Variants in SLC17A7 observed in about 807,000 individuals in gnomAD.
The protein encoded by SLC17A7 is vesicular glutamate transporter 1.
In SLC17A7, 15 loss-of-function variants were observed where a neutral mutation model predicts 59.1. The observed-to-expected ratio is 0.25, with a 90% CI of 0.17 to 0.39. The LOEUF is 0.39. SLC17A7 is among the 10% of genes least tolerant of loss of function. The probability of loss-of-function intolerance (pLI) is 1.00; values close to 1 mark genes in which losing one functional copy is unlikely to be tolerated. For synonymous variants in SLC17A7, 353 were observed against 308.9 expected (o/e 1.14, Z -1.50); for missense variants, 499 against 765.1 (o/e 0.65, Z 4.10).
rs140318887 is a variant in SLC17A7 at position 49,430,653 on chromosome 19, C to A, written c.1549G>T (p.Ala517Ser). The A allele has an allele frequency of 7.4e-6, 12 of 1,614,022 alleles. No individual in the cohort carries two copies. The highest frequency in any genetic ancestry group is 1.0e-5 in the Non-Finnish European group (12 of 1,180,008). ...KCGFVGHDQL[A>S]GSDDSEMEDE... The stretch of plus-strand genomic sequence containing the variant: ...TCCATTTCGCTGTCGTCACTGCCAG[C>A]CAGCTGGTCATGGCCAACGAAGCCA... The change falls in exon 12 of 12, where the codon GCT becomes TCT. Residue 517 changes from alanine (A) to serine (S), a missense_variant. Ala to Ser is a moderately conservative substitution (Grantham distance 99, BLOSUM62 1). Coordinates refer to ENST00000221485, the MANE Select transcript of SLC17A7 (RefSeq NM_020309.4).
rs570786938 is a variant in SLC17A7 at position 49,441,298 on chromosome 19, G to T, written c.62+20C>A. 6.2e-7 allele frequency: 1 copy of T among 1,607,434 alleles called. No individual in the cohort carries two copies. Among genetic ancestry groups the T allele is most frequent in the East Asian group, 2.2e-5 (1 of 44,528 alleles). On this transcript the variant is annotated intron_variant, in intron 1 of 11. Transcript: ENST00000221485. ...CCTCAGATCCTCCCACTCTTCTCCC[G>T]GGACCCCCGCCAGGCTCACCGGTGC...
rs2078969781 is a variant in SLC17A7, at chr19:49,433,795, G to C, written c.798C>G (p.Ile266Met). 1 of 1,614,016 alleles carries C rather than the reference G, an allele frequency of 6.2e-7. No homozygotes were observed. The highest frequency in any genetic ancestry group is 8.5e-7 in the Non-Finnish European group (1 of 1,179,970). The change falls in exon 7 of 12, where the codon ATC (isoleucine) becomes ATG (methionine). Residue 266 changes from isoleucine (I) to methionine (M), a missense_variant. Transcript: ENST00000221485. This position sits in a 1 kb window ranked among gnomAD's most constrained non-coding sequence, Gnocchi z 5.7. ...SYESPALHPS[I>M]SEEERKYIED... ...CGATGTACTTGCGCTCCTCCTCCGA[G>C]ATGCTGGGGTGCAGCGCGGGGGACT...
chr19:49,434,213 C>T (rs1306685574), intron 5 of SLC17A7, among the ~76,000 whole-genome samples, 167 bp from the exon 6 acceptor site: 1 of 151,184 alleles, frequency 6.6e-6, no homozygotes, highest in Non-Finnish European at 1.5e-5. Flanking sequence ...ACCCAGGAAT[C>T]CAGGCCCCCA....
rs1405333401 is a variant in SLC17A7, at chr19:49,436,364, G to A, written c.315+185C>T. Among the ~76,000 whole-genome samples the A allele has an allele frequency of 1.3e-5, 2 of 152,170 alleles. No individual in the cohort carries two copies. The highest frequency in any genetic ancestry group is 2.9e-5 in the Non-Finnish European group (2 of 68,020). On this transcript the variant is annotated intron_variant, in intron 2 of 11. Transcript: ENST00000221485. The surrounding 1 kb of genome is among the most constrained non-coding windows in gnomAD (Gnocchi z 4.1). Reference sequence around the variant, plus strand: ...TCATTTAGATCAGGACGGGGCTTAGGAAACGGAGGCGGCCCCTAAGGCGAG... The same window carrying A: ...TCATTTAGATCAGGACGGGGCTTAGAAAACGGAGGCGGCCCCTAAGGCGAG...
At chr19:49,439,925 C>T (rs929241572) in intron 1 of SLC17A7, among the ~76,000 whole-genome samples, 9 of 152,154 alleles carry the variant, frequency 5.9e-5, no homozygotes, top group Non-Finnish European at 1.2e-4. Context: ...TCCACCAGCA[C>T]GTCTCTTTCT....
rs371177580 is a variant in SLC17A7, at chr19:49,431,330, G to A, written c.1261+8C>T. On this transcript the variant is annotated splice_region_variant and intron_variant, in intron 10 of 11. Coordinates refer to ENST00000221485, the MANE Select transcript of SLC17A7 (RefSeq NM_020309.4). The surrounding 1 kb of genome is among the most constrained non-coding windows in gnomAD (Gnocchi z 4.6). ...GAGTCCCCCAAGCTGCGGATCCGCG[G>A]TTCTCACCAGAGATGGCGAAGCCGC... is the stretch of plus-strand genomic sequence containing the variant. The A allele has an allele frequency of 1.9e-6, 3 of 1,613,556 alleles. No homozygotes were observed. The highest frequency in any genetic ancestry group is 1.7e-5 in the Admixed American group (1 of 59,992).
chr19:49,436,994 G>A lies in SLC17A7; in HGVS notation c.63-193C>T, dbSNP rs2078982411. On this transcript the variant is annotated intron_variant, in intron 1 of 11. Transcript: ENST00000221485. The surrounding 1 kb of genome is among the most constrained non-coding windows in gnomAD (Gnocchi z 4.1). Reference sequence around the variant, plus strand: ...AGAAATCCTCCATCTCCCTCAGACCGGGAATTCAGGCCCCCAGCCCCCTCC... The same window carrying A: ...AGAAATCCTCCATCTCCCTCAGACCAGGAATTCAGGCCCCCAGCCCCCTCC... 3.9e-6 allele frequency: 3 copies of A among 760,710 alleles called. No homozygotes were observed. The highest frequency in any genetic ancestry group is 6.2e-6 in the Non-Finnish European group (3 of 485,702). The allele number at this position is 760,710 out of a possible 1,614,324, so 47.1% of individuals were successfully genotyped here.
chr19:49,433,523 A>G lies in SLC17A7; in HGVS notation c.867+203T>C. ...CCTGTCAGTGGTTCTAATCCTGCTC[A>G]ACTCCCGACCTAACCCTGCCCCCAG... On this transcript the variant is annotated intron_variant, in intron 7 of 11. Coordinates refer to ENST00000221485, the MANE Select transcript of SLC17A7 (RefSeq NM_020309.4). This position sits in a 1 kb window ranked among gnomAD's most constrained non-coding sequence, Gnocchi z 5.7. The G allele has an allele frequency of 1.4e-6, 1 of 728,802 alleles. No individual in the cohort carries two copies. Among genetic ancestry groups the G allele is most frequent in the East Asian group, 2.7e-5 (1 of 37,082 alleles). The allele number at this position is 728,802 out of a possible 1,614,324, so 45.1% of individuals were successfully genotyped here.
In SLC17A7 at chr19:49,430,612, G is replaced by A. The variant is rs372207924; in HGVS notation, c.1590C>T (p.Pro530=). 1.8e-4 allele frequency: 288 copies of A among 1,613,740 alleles called. No individual in the cohort carries two copies. Among genetic ancestry groups the A allele is most frequent in the Non-Finnish European group, 2.3e-4 (273 of 1,179,920 alleles). ...DDSEMEDEAE[P]PGAPPAPPPS... is the part of the protein sequence containing the mutation. ...GCGGGGGTGCAGGGGGTGCCCCCGG[G>A]GGCTCAGCCTCATCCTCCATTTCGC... is the stretch of plus-strand genomic sequence containing the variant. Residue 530 remains proline, a synonymous_variant, in exon 12 of 12, where the codon CCC becomes CCT. Coordinates refer to ENST00000221485, the MANE Select transcript of SLC17A7 (RefSeq NM_020309.4).
chr19:49,432,149 C>A (rs1171545325), intron 9 of SLC17A7, among the ~76,000 whole-genome samples: 3 of 152,170 alleles, frequency 2.0e-5, no homozygotes, highest in Admixed American at 2.0e-4. Flanking sequence ...CAGCAGGCCC[C>A]CTAGGACCCT....
At chr19:49,435,091 G>A (rs1403031649) in intron 3 of SLC17A7, 77 bp downstream of exon 3, 3 of 1,204,178 alleles carry the variant, frequency 2.5e-6, no homozygotes, top group South Asian at 1.3e-5. Context: ...GAGCCAGCCC[G>A]CAAATTCAAG....
At chr19:49,430,838 C>G in intron 11 of SLC17A7, 26 bp from the exon 12 acceptor site, 1 of 1,584,756 alleles carries the variant, frequency 6.3e-7, no homozygotes, top group South Asian at 1.2e-5. Context: ...GGGCTGAGGT[C>G]AAATGGGAGG....
Position 49,430,669 on chromosome 19 carries a change from A to G in SLC17A7, c.1533T>C (p.Val511=). ...EEMSEEKCGF[V]GHDQLAGSDD... is the part of the protein sequence containing the mutation. The stretch of plus-strand genomic sequence containing the variant: ...CACTGCCAGCCAGCTGGTCATGGCC[A>G]ACGAAGCCACACTTCTCCTCGCTCA... The change falls in exon 12 of 12, where the codon GTT becomes GTC. Residue 511 remains valine (V), a synonymous_variant. Transcript: ENST00000221485. 2.5e-6 allele frequency: 4 copies of G among 1,614,108 alleles called. No homozygotes were observed. Among genetic ancestry groups the G allele is most frequent in the Non-Finnish European group, 3.4e-6 (4 of 1,179,982 alleles).
At chr19:49,438,498 C>T (rs1025101085) in intron 1 of SLC17A7, among the ~76,000 whole-genome samples, 6 of 151,814 alleles carry the variant, frequency 4.0e-5, no homozygotes, top group African/African-American at 1.5e-4. Context: ...CCAGACGGTC[C>T]AGGGGGAGGG....
At chr19:49,438,488 C>T (rs1388942033) in intron 1 of SLC17A7, among the ~76,000 whole-genome samples, 1 of 151,932 alleles carries the variant, frequency 6.6e-6, no homozygotes, top group East Asian at 1.9e-4. Context: ...GAAGGAACAG[C>T]CAGACGGTCC....
intron 1 of SLC17A7, among the ~76,000 whole-genome samples, chr19:49,439,108 C>T (rs566790787): frequency 3.9e-5 from 6 of 152,130 alleles, no homozygotes; most frequent in South Asian, 4.2e-4. Context: ...GGGGACTTGG[C>T]GATGAGGAAA....
intron 1 of SLC17A7, among the ~76,000 whole-genome samples, chr19:49,438,669 G>T (rs1213246143): frequency 2.0e-5 from 3 of 152,108 alleles, no homozygotes; most frequent in African/African-American, 7.2e-5. Flanking sequence ...GAGAGCCAGA[G>T]ATAGGGGGGA....
At chr19:49,440,598 G>A (rs1016055204) in intron 1 of SLC17A7, among the ~76,000 whole-genome samples, 1 of 152,136 alleles carries the variant, frequency 6.6e-6, no homozygotes, top group Non-Finnish European at 1.5e-5. Context: ...AGGGACCCAG[G>A]GTGCTGTGAC....
In SLC17A7 at chr19:49,435,212, A is replaced by G; in HGVS notation, c.390T>C (p.Thr130=). Residue 130 remains threonine, a synonymous_variant, in exon 3 of 12, where the codon ACT becomes ACC. Coordinates refer to ENST00000221485, the MANE Select transcript of SLC17A7 (RefSeq NM_020309.4). ...HGSFFWGYIV[T]QIPGGFICQK... is the part of the protein sequence containing the mutation. The stretch of plus-strand genomic sequence containing the variant: ...GACAGATAAATCCTCCTGGAATCTG[A>G]GTGACAATGTAGCCCCAGAAAAAGG... 1 of 1,614,160 alleles carries G rather than the reference A, an allele frequency of 6.2e-7. No homozygotes were observed. Among genetic ancestry groups the G allele is most frequent in the Non-Finnish European group, 8.5e-7 (1 of 1,180,006 alleles).
Sources: allele counts gnomAD v4.1 joint callset (sites outside exome capture counted in the v4.1 genomes callset), GRCh38; gene constraint gnomAD v4.1.1; non-coding constraint Gnocchi (gnomAD v3.1); transcripts MANE v1.5; gene names NCBI Gene and HGNC (gene_info 2026-07-23, HGNC 2026-07-21).